The following RRP1B variants were observed in gnomAD, a reference collection of about 807,000 sequenced individuals.
RRP1B encodes the protein ribosomal RNA processing 1B, also known as ribosomal RNA processing protein 1 homolog B.
Under a neutral mutation model 80.2 loss-of-function variants are expected in RRP1B, and 56 were observed. The ratio of observed to expected loss-of-function variants is 0.70; its 90% CI spans 0.56 to 0.87. The LOEUF (loss-of-function observed/expected upper bound fraction) is 0.87, where lower values mean the gene tolerates loss of function less well. Among genes scored for constraint, RRP1B ranks in the 40% least tolerant of loss-of-function variants. RRP1B has a pLI of 0.00. For missense variants in RRP1B, 807 were observed against 939.8 expected, an observed-to-expected ratio of 0.86 and a Z score of 1.85; for synonymous variants, 351 against 357.6, an observed-to-expected ratio of 0.98 and a Z score of 0.21.
chr21:43,660,773 T>A (rs1018561618), intron 1 of RRP1B, among the ~76,000 whole-genome samples: 1 of 151,748 alleles, frequency 6.6e-6, no homozygotes. Context: ...TAAGTTGGGG[T>A]TGGGGGGGCG....
rs1244746119 is a variant in RRP1B at position 43,693,382 on chromosome 21, G to A, written c.2276G>A (p.Ter759=). The part of the protein sequence containing the change: ...RRRPRAMDFF[*] ...AGGCCCAGGGCTATGGATTTCTTCTGAGGAGCAGCAGAGTCCCTTGTAAAA... is the reference window on the plus strand; with the variant it reads ...AGGCCCAGGGCTATGGATTTCTTCTAAGGAGCAGCAGAGTCCCTTGTAAAA... Residue 759 remains the stop codon, a stop_retained_variant, in exon 16 of 16, where the codon TGA becomes TAA. Transcript: ENST00000340648. This position sits in a 1 kb window ranked among gnomAD's most constrained non-coding sequence, Gnocchi z 4.1. The A allele has an allele frequency of 1.9e-6, 3 of 1,566,120 alleles. No individual in the cohort carries two copies. In the African/African-American group the frequency reaches 4.1e-5, roughly 21 times the overall value.
rs187973995 is a variant in RRP1B, at chr21:43,662,095, C to G, written c.130+2301C>G. Reference sequence around the variant, plus strand: ...TCTTAGCCAGAAGTGGGAGTACATGCAACCGTAAAAGGTCTTGGCCTGTAC... The same window carrying G: ...TCTTAGCCAGAAGTGGGAGTACATGGAACCGTAAAAGGTCTTGGCCTGTAC... On this transcript the variant is annotated intron_variant, in intron 1 of 15. Transcript: ENST00000340648. Among the ~76,000 whole-genome samples, 233 of 152,364 alleles carry G rather than the reference C, an allele frequency of 1.5e-3. 2 individuals carry two copies. Among genetic ancestry groups the G allele is most frequent in the African/African-American group, 5.3e-3 (222 of 41,586 alleles).
chr21:43,660,989 A>G lies in RRP1B; in HGVS notation c.130+1195A>G, dbSNP rs114995965. 5.5e-3 allele frequency among the ~76,000 whole-genome samples: 841 copies of G among 152,368 alleles called. 9 individuals are homozygous for G. Among genetic ancestry groups the G allele is most frequent in the African/African-American group, 0.019 (796 of 41,580 alleles). Reference sequence around the variant, plus strand: ...AAAGTTTTATTTAGTTACTGATGGTACTAATACATTTAGAATCTGCTTAAA... The same window carrying G: ...AAAGTTTTATTTAGTTACTGATGGTGCTAATACATTTAGAATCTGCTTAAA... On this transcript the variant is annotated intron_variant, in intron 1 of 15. Coordinates refer to ENST00000340648, the MANE Select transcript of RRP1B (RefSeq NM_015056.3).
chr21:43,669,945 G>A lies in RRP1B; in HGVS notation c.192G>A (p.Val64=). Residue 64 remains valine, a synonymous_variant, in exon 2 of 16, where the codon GTG becomes GTA. Coordinates refer to ENST00000340648, the MANE Select transcript of RRP1B (RefSeq NM_015056.3). The part of the protein sequence containing the change: ...IWKGLFYCMW[V]QDEPLLQEEL... ...AGGGGCTCTTCTACTGCATGTGGGTGCAGGATGAACCCCTTCTACAGGTAA... is the reference window on the plus strand; with the variant it reads ...AGGGGCTCTTCTACTGCATGTGGGTACAGGATGAACCCCTTCTACAGGTAA... 6.2e-7 allele frequency: 1 copy of A among 1,611,496 alleles called. No homozygotes were observed. The highest frequency in any genetic ancestry group is 8.5e-7 in the Non-Finnish European group (1 of 1,178,004).
chr21:43,684,491 A>G, intron 9 of RRP1B, 62 bp from the exon 10 acceptor site: 1 of 1,420,976 alleles, frequency 7.0e-7, no homozygotes, highest in Non-Finnish European at 1.0e-6. Flanking sequence ...GCAGATGTAA[A>G]TGGCCAAGTC....
At chr21:43,680,245 A>C (rs78060148) in intron 8 of RRP1B, among the ~76,000 whole-genome samples, 4,857 of 152,262 alleles carry the variant, frequency 0.032, 276 homozygotes, top group African/African-American at 0.11. Flanking sequence ...GGATAAACCA[A>C]AATGTTTTAT....
At chr21:43,670,952 A>G (rs914888227) in intron 2 of RRP1B, among the ~76,000 whole-genome samples, 3 of 152,180 alleles carry the variant, frequency 2.0e-5, no homozygotes, top group Admixed American at 2.0e-4. Context: ...ACATATTTTG[A>G]GTAGGAGCAG....
intron 1 of RRP1B, among the ~76,000 whole-genome samples, chr21:43,663,759 T>C (rs180901967): frequency 3.7e-4 from 56 of 151,040 alleles, no homozygotes; most frequent in Middle Eastern, 3.5e-3. Flanking sequence ...AGGGTTTCAC[T>C]CTATGATGGC....
In RRP1B at chr21:43,694,028, C is replaced by G. The variant is rs1182550045; in HGVS notation, c.*645C>G. 2 of 152,612 alleles carry G rather than the reference C, an allele frequency of 1.3e-5. No homozygotes were observed. Among genetic ancestry groups the G allele is most frequent in the East Asian group, 1.9e-4 (1 of 5,198 alleles). 9.5% of individuals were successfully genotyped at this position (152,612 alleles called of 1,614,324 possible). On this transcript the variant is annotated 3_prime_UTR_variant, in exon 16 of 16. Transcript: ENST00000340648. ...GGGGCTTTTTCTTCTCCTCCCCCTACCCGGTTTCCCTCCCTGTTTTCCTAC... is the reference window on the plus strand; with the variant it reads ...GGGGCTTTTTCTTCTCCTCCCCCTAGCCGGTTTCCCTCCCTGTTTTCCTAC...
chr21:43,685,855 G>T (rs1376408214), intron 11 of RRP1B, 66 bp downstream of exon 11: 4 of 1,540,574 alleles, frequency 2.6e-6, no homozygotes, highest in Non-Finnish European at 3.5e-6. Context: ...TGGGGGCGTT[G>T]ATGCCAAACG....
chr21:43,689,309 C>T (rs985548499), intron 13 of RRP1B, among the ~76,000 whole-genome samples: 8 of 152,270 alleles, frequency 5.3e-5, no homozygotes, highest in African/African-American at 1.4e-4. Context: ...TTGCACACAC[C>T]GCTTTGCGGA....
chr21:43,668,748 A>G (rs1235463663), intron 1 of RRP1B, among the ~76,000 whole-genome samples: 1 of 152,188 alleles, frequency 6.6e-6, no homozygotes, highest in Non-Finnish European at 1.5e-5. Context: ...CATCTAGTTT[A>G]TAGCACTTTG....
intron 8 of RRP1B, 85 bp from the exon 9 acceptor site, chr21:43,683,194 C>T: frequency 9.1e-7 from 1 of 1,102,950 alleles, no homozygotes; most frequent in Non-Finnish European, 1.3e-6. Context: ...TAAGAGACAC[C>T]TAATTAGACA....
At chr21:43,690,864 A>G (rs992982855) in intron 14 of RRP1B, among the ~76,000 whole-genome samples, 1 of 152,212 alleles carries the variant, frequency 6.6e-6, no homozygotes, top group African/African-American at 2.4e-5. Context: ...GAAAGAAGAT[A>G]GTTGATTGTG....
At chr21:43,686,410 G>A (rs971435599) in intron 11 of RRP1B, 1 of 177,456 alleles carries the variant, frequency 5.6e-6, no homozygotes, top group African/African-American at 2.4e-5. Context: ...TATGGTCAAT[G>A]GTCCCCCCGG....
Position 43,687,869 on chromosome 21 carries a change from C to G in RRP1B, c.1495C>G (p.Gln499Glu). 1 of 1,613,354 alleles carries G rather than the reference C, an allele frequency of 6.2e-7. No homozygotes were observed. The highest frequency in any genetic ancestry group is 1.1e-5 in the South Asian group (1 of 91,086). ...AGTGTTGCCCCCAGAGGACATGTCT[C>G]AGAGTGGCCCGAGTGGCAGTCATCC... ...SAVLPPEDMS[Q>E]SGPSGSHPQG... is the part of the protein sequence containing the mutation. The change falls in exon 13 of 16, where the codon CAG becomes GAG. Residue 499 changes from glutamine to glutamate, a missense_variant. By Grantham distance (29) the Gln-to-Glu change is conservative. Transcript: ENST00000340648.
At chr21:43,669,786 G>A (rs1235676912) in intron 1 of RRP1B, 98 bp from the exon 2 acceptor site, 9 of 796,320 alleles carry the variant, frequency 1.1e-5, no homozygotes, top group East Asian at 7.9e-5. Flanking sequence ...ACGTGCAAAC[G>A]AAAGAGAATT....
chr21:43,670,381 T>A (rs1306388873), intron 2 of RRP1B, among the ~76,000 whole-genome samples: 1 of 152,210 alleles, frequency 6.6e-6, no homozygotes, highest in Non-Finnish European at 1.5e-5. Flanking sequence ...AGAGCAGCAG[T>A]AGCGCTCAGC....
chr21:43,674,531 A>C (rs2083013191), intron 4 of RRP1B, 105 bp from the exon 5 acceptor site: 1 of 823,216 alleles, frequency 1.2e-6, no homozygotes, highest in Non-Finnish European at 1.9e-6. Context: ...TCCAGGCCAT[A>C]ACAATTTCAT....
Sources: gnomAD v4.1 joint callset for allele counts (sites outside exome capture counted in the v4.1 genomes callset) on GRCh38, gnomAD v4.1.1 for gene constraint, Gnocchi (gnomAD v3.1) non-coding constraint, MANE v1.5 for transcripts, NCBI Gene and HGNC (gene_info 2026-07-23, HGNC 2026-07-21) for gene names.